Variants in SSH1 observed in about 807,000 individuals in gnomAD.
The protein encoded by SSH1 is slingshot protein phosphatase 1.
Under a neutral mutation model 79.7 loss-of-function variants are expected in SSH1, and 43 were observed. The ratio of observed to expected loss-of-function variants is 0.54; its 90% CI spans 0.42 to 0.70. The LOEUF is 0.70. SSH1 is among the 30% of genes least tolerant of loss of function. The pLI is 0.00. For synonymous variants in SSH1, 599 were observed against 538.3 expected (o/e 1.11, Z -1.56); for missense variants, 1,206 against 1,358.8 (o/e 0.89, Z 1.77).
chr12:108,788,728 TGTTG>T lies in SSH1; in HGVS notation c.2406_2409del (p.Asn803AlafsTer3). 6.2e-7 allele frequency: 1 copy of T among 1,614,250 alleles called. No individual in the cohort carries two copies. Among genetic ancestry groups the T allele is most frequent in the African/African-American group, 1.3e-5 (1 of 75,064 alleles). On this transcript the variant is annotated frameshift_variant, in exon 15 of 15. Coordinates refer to ENST00000326495, the MANE Select transcript of SSH1 (RefSeq NM_018984.4). LOFTEE classifies it low-confidence loss of function (END_TRUNC). ...GACTCCTGGTGCTGCATCAGGTAGC[TGTTG>T]GTTGTCGGCTTCTCAGATTCATTAC...
intron 2 of SSH1, among the ~76,000 whole-genome samples, chr12:108,851,212 C>A (rs956877529): frequency 1.3e-5 from 2 of 152,294 alleles, no homozygotes; most frequent in South Asian, 2.1e-4. Flanking sequence ...TTCTTGCAGG[C>A]TAGTGTTTCC....
chr12:108,846,160 G>A (rs539861468), intron 2 of SSH1, among the ~76,000 whole-genome samples: 69 of 152,310 alleles, frequency 4.5e-4, no homozygotes, highest in African/African-American at 1.5e-3. Flanking sequence ...GTTTACCACT[G>A]AAACCAAATA....
chr12:108,810,059 G>A (rs933606712), intron 6 of SSH1, among the ~76,000 whole-genome samples: 3 of 152,070 alleles, frequency 2.0e-5, no homozygotes, highest in Admixed American at 6.5e-5. Context: ...ATGTTCCAAC[G>A]TGGTTCCTGC....
chr12:108,830,851 C>G (rs908521048), intron 2 of SSH1, among the ~76,000 whole-genome samples: 1 of 151,960 alleles, frequency 6.6e-6, no homozygotes, highest in Non-Finnish European at 1.5e-5. Context: ...CGCTATGTTG[C>G]CCAGGCTGGT....
At chr12:108,791,848 G>T in intron 14 of SSH1, 1 of 958,772 alleles carries the variant, frequency 1.0e-6, no homozygotes, top group Non-Finnish European at 1.3e-6. Context: ...TTGGTTCCAG[G>T]ATCATCAGGG....
At chr12:108,811,770 A>C (rs944937369) in intron 5 of SSH1, 13 of 257,062 alleles carry the variant, frequency 5.1e-5, no homozygotes, top group African/African-American at 2.9e-4. Context: ...CTGCGGTTTT[A>C]CAATCTCGCT....
chr12:108,809,215 G>A (rs1334475112), intron 7 of SSH1, among the ~76,000 whole-genome samples: 1 of 151,684 alleles, frequency 6.6e-6, no homozygotes, highest in African/African-American at 2.4e-5. Flanking sequence ...TTGGGAGGAG[G>A]CTGAGGTGGG....
At chr12:108,802,126 A>G (rs138158967) in intron 11 of SSH1, among the ~76,000 whole-genome samples, 196 bp downstream of exon 11, 112 of 152,180 alleles carry the variant, frequency 7.4e-4, no homozygotes, top group African/African-American at 2.6e-3. Flanking sequence ...CACAATCTAA[A>G]CTCCATGAAT....
intron 2 of SSH1, among the ~76,000 whole-genome samples, chr12:108,846,092 G>A (rs1001757825): frequency 7.9e-5 from 12 of 152,172 alleles, no homozygotes; most frequent in Non-Finnish European, 1.6e-4. Context: ...ACTTCCAAGT[G>A]GAGACCAAAA....
intron 13 of SSH1, among the ~76,000 whole-genome samples, chr12:108,794,707 T>C (rs1270958239): frequency 6.6e-6 from 1 of 152,190 alleles, no homozygotes; most frequent in Non-Finnish European, 1.5e-5. Flanking sequence ...TTTTGATTCC[T>C]AAATAAGATG....
At chr12:108,792,871 G>A (rs1244172804) in intron 13 of SSH1, 42 bp from the exon 14 acceptor site, 12 of 1,610,552 alleles carry the variant, frequency 7.5e-6, no homozygotes, top group Admixed American at 1.7e-5. Context: ...GGAGGAGGAT[G>A]GTGCCTGGGG....
intron 1 of SSH1, among the ~76,000 whole-genome samples, chr12:108,855,447 A>G (rs1285448290): frequency 6.6e-6 from 1 of 152,202 alleles, no homozygotes; most frequent in Non-Finnish European, 1.5e-5. Flanking sequence ...TCTCATGTAT[A>G]TACTAAAAAC....
At chr12:108,823,204 T>G in intron 3 of SSH1, 54 bp downstream of exon 3, 1 of 1,500,512 alleles carries the variant, frequency 6.7e-7, no homozygotes, top group Non-Finnish European at 9.1e-7. Flanking sequence ...GGAAGTTTCC[T>G]CTGCTGTCCA....
At chr12:108,817,238 A>G in intron 4 of SSH1, 79 bp from the exon 5 acceptor site, 1 of 1,587,502 alleles carries the variant, frequency 6.3e-7, no homozygotes, top group South Asian at 1.1e-5. Flanking sequence ...CAAGATCAAC[A>G]CTTTCAGTGT....
chr12:108,791,978 G>C (rs2036521669), intron 14 of SSH1: 18 of 1,316,342 alleles, frequency 1.4e-5, no homozygotes, highest in Non-Finnish European at 1.8e-5. Flanking sequence ...AATTGAGTTG[G>C]AAGCCCTGCC....
At chr12:108,821,567 C>A (rs1391986932) in intron 3 of SSH1, among the ~76,000 whole-genome samples, 1 of 152,088 alleles carries the variant, frequency 6.6e-6, no homozygotes, top group Non-Finnish European at 1.5e-5. Context: ...GTCTGAGGCA[C>A]CAGTATTTGA....
At chr12:108,796,835 C>T (rs1309182853) in intron 13 of SSH1, among the ~76,000 whole-genome samples, 12 of 150,746 alleles carry the variant, frequency 8.0e-5, no homozygotes, top group African/African-American at 2.2e-4. Flanking sequence ...CTCCACCTCC[C>T]GGGTTCAAGC....
chr12:108,841,797 G>T (rs2038783541), intron 2 of SSH1, among the ~76,000 whole-genome samples: 1 of 150,758 alleles, frequency 6.6e-6, no homozygotes, highest in African/African-American at 2.4e-5. Context: ...GACAGAGCAA[G>T]TCTCCATCCC....
chr12:108,855,041 T>C (rs138424858), intron 1 of SSH1, among the ~76,000 whole-genome samples: 54 of 152,292 alleles, frequency 3.5e-4, no homozygotes, highest in African/African-American at 1.2e-3. Flanking sequence ...ATCAGGGTCA[T>C]TGGCACTTGG....
Sources: gnomAD v4.1 joint callset for allele counts (sites outside exome capture counted in the v4.1 genomes callset) on GRCh38, gnomAD v4.1.1 for gene constraint, MANE v1.5 for transcripts, NCBI Gene and HGNC (gene_info 2026-07-23, HGNC 2026-07-21) for gene names.